Variants in GALNT10 observed in about 807,000 individuals in gnomAD.
GALNT10 encodes the protein GalNAc transferase 10.
A neutral mutation model predicts 75.0 loss-of-function variants in GALNT10; 41 were observed. That is an observed-to-expected ratio of 0.55 (90% CI 0.43 to 0.71). GALNT10 has a LOEUF of 0.71. GALNT10 is among the 30% of genes least tolerant of loss of function. GALNT10 has a pLI of 0.00. For missense variants in GALNT10, 727 were observed against 818.5 expected (o/e 0.89, Z 1.36); for synonymous variants, 302 against 313.0 (o/e 0.96, Z 0.37).
chr5:154,216,567 G>A lies in GALNT10; in HGVS notation c.159+25542G>A, dbSNP rs138249658. Among the ~76,000 whole-genome samples, 524 of 152,226 alleles carry A rather than the reference G, an allele frequency of 3.4e-3. 1 individual carries two copies. Among genetic ancestry groups the A allele is most frequent in the African/African-American group, 0.012 (487 of 41,536 alleles). ...TCATCAGAACAACCTCATTGTCCTC[G>A]TTGGTTAATTTTCAGTAAATAAATG... is the stretch of plus-strand genomic sequence containing the variant. On this transcript the variant is annotated intron_variant, in intron 1 of 11. Coordinates refer to ENST00000297107, the MANE Select transcript of GALNT10 (RefSeq NM_198321.4).
At chr5:154,339,157 C>A (rs946504453) in intron 4 of GALNT10, among the ~76,000 whole-genome samples, 1 of 152,158 alleles carries the variant, frequency 6.6e-6, no homozygotes, top group African/African-American at 2.4e-5. Flanking sequence ...AGCTGCTTAC[C>A]TACCCTCATA....
At chr5:154,309,163 G>C (rs2113092819) in intron 3 of GALNT10, among the ~76,000 whole-genome samples, 1 of 152,306 alleles carries the variant, frequency 6.6e-6, no homozygotes, top group Non-Finnish European at 1.5e-5. Context: ...GAAGTGGTGA[G>C]AGGCCTAGCA....
intron 4 of GALNT10, among the ~76,000 whole-genome samples, chr5:154,373,564 T>C (rs909488537): frequency 1.3e-5 from 2 of 152,176 alleles, no homozygotes; most frequent in African/African-American, 4.8e-5. Flanking sequence ...AGAGATAATA[T>C]AGATGAAATA....
intron 2 of GALNT10, 58 bp downstream of exon 2, chr5:154,294,976 TTGTGTGTGTGTGTGTG>T (rs70978534): frequency 1.5e-5 from 9 of 610,376 alleles, no homozygotes; most frequent in African/African-American, 1.1e-4. Context: ...GCACATATGC[TTGTGTGTGTGTGTGTG>T]TGTGTGTGTG....
At position 154,289,838 on chromosome 5, in the gene GALNT10, C is replaced by A. The variant is rs1159452769; in HGVS notation, c.160-4978C>A. Among the ~76,000 whole-genome samples the A allele has an allele frequency of 2.6e-5, 4 of 152,298 alleles. No homozygotes were observed. In the South Asian group the frequency reaches 8.3e-4, roughly 32 times the overall value. ...TGAAAGAGACTGATCTTTCTGTAAA[C>A]CTCATTAGGCCTACACAGTATCTGT... On this transcript the variant is annotated intron_variant, in intron 1 of 11. Coordinates refer to ENST00000297107, the MANE Select transcript of GALNT10 (RefSeq NM_198321.4).
chr5:154,219,838 T>TCTCTCACACACA, intron 1 of GALNT10, among the ~76,000 whole-genome samples: 2 of 125,666 alleles, frequency 1.6e-5, no homozygotes, highest in African/African-American at 5.7e-5. Context: ...TCTCTCTCTC[T>TCTCTCACACACA]CACACACACA....
rs35810347 is a variant in GALNT10 at position 154,415,880 on chromosome 5, C to T, written c.1601C>T (p.Thr534Met). Reference sequence around the variant, plus strand: ...GCCATTTCCCACACCAGCCCTGTCACGCTGTACGACTGCCACAGCATGAAG... The same window carrying T: ...GCCATTTCCCACACCAGCCCTGTCATGCTGTACGACTGCCACAGCATGAAG... ...FDAISHTSPV[T>M]LYDCHSMKGN... is the part of the protein sequence containing the mutation. The change falls in exon 11 of 12, where the codon ACG (threonine) becomes ATG (methionine). Residue 534 changes from threonine to methionine, a missense_variant. Physicochemically the swap from Thr to Met is moderately conservative, Grantham distance 81. Transcript: ENST00000297107. 231 of 1,614,064 alleles carry T rather than the reference C, an allele frequency of 1.4e-4. No homozygotes were observed. The highest frequency in any genetic ancestry group is 1.8e-4 in the Non-Finnish European group (214 of 1,179,984).
At chr5:154,385,321 G>GCA (rs2113184153) in intron 6 of GALNT10, among the ~76,000 whole-genome samples, 1 of 152,282 alleles carries the variant, frequency 6.6e-6, no homozygotes, top group East Asian at 1.9e-4. Context: ...TCCTCACTTA[G>GCA]CACGGTGCCA....
chr5:154,318,948 C>T (rs1343515282), intron 3 of GALNT10, among the ~76,000 whole-genome samples: 1 of 152,242 alleles, frequency 6.6e-6, no homozygotes, highest in Non-Finnish European at 1.5e-5. Flanking sequence ...AAAATGTTTC[C>T]ACCAACTCTC....
chr5:154,272,637 C>T (rs1231848018), intron 1 of GALNT10, among the ~76,000 whole-genome samples: 1 of 152,176 alleles, frequency 6.6e-6, no homozygotes, highest in Non-Finnish European at 1.5e-5. Flanking sequence ...TAGCCAGCTC[C>T]ATGTTCCTAT....
At chr5:154,235,690 C>T (rs1458907244) in intron 1 of GALNT10, among the ~76,000 whole-genome samples, 1 of 152,180 alleles carries the variant, frequency 6.6e-6, no homozygotes, top group Non-Finnish European at 1.5e-5. Context: ...TCAATTTCTA[C>T]CTCTGCAAAG....
intron 4 of GALNT10, among the ~76,000 whole-genome samples, chr5:154,369,894 T>A (rs1374825575): frequency 6.6e-6 from 1 of 152,180 alleles, no homozygotes; most frequent in Non-Finnish European, 1.5e-5. Context: ...GGCTGCTCCA[T>A]GGGGTGCTCT....
chr5:154,255,022 A>G (rs969382473), intron 1 of GALNT10, among the ~76,000 whole-genome samples: 2 of 152,072 alleles, frequency 1.3e-5, no homozygotes, highest in African/African-American at 4.8e-5. Flanking sequence ...AGGTCTCACT[A>G]TGTAGCCCAG....
intron 1 of GALNT10, among the ~76,000 whole-genome samples, chr5:154,264,979 T>C (rs1364996284): frequency 6.6e-6 from 1 of 152,196 alleles, no homozygotes; most frequent in East Asian, 1.9e-4. Context: ...CAGAGCTCCC[T>C]TCCTGACCTC....
Position 154,234,562 on chromosome 5 carries a change from A to C in GALNT10, c.159+43537A>C, listed in dbSNP as rs150559818. Among the ~76,000 whole-genome samples, 1,491 of 152,370 alleles carry C rather than the reference A, an allele frequency of 9.8e-3. 12 individuals carry two copies. The highest frequency in any genetic ancestry group is 0.014 in the Non-Finnish European group (941 of 68,026). On this transcript the variant is annotated intron_variant, in intron 1 of 11. Transcript: ENST00000297107. ...ATCCTCAGAAACAAGTTTATGAAAT[A>C]GATATGATTACCTTCATTTAACACG...
chr5:154,345,802 AT>A (rs35697160), intron 4 of GALNT10, among the ~76,000 whole-genome samples: 75,136 of 139,430 alleles, frequency 0.54, 20,860 homozygotes, highest in Admixed American at 0.67. Flanking sequence ...CACCCGGCGA[AT>A]TTTTTTTTTT....
At chr5:154,365,655 A>G (rs1417248555) in intron 4 of GALNT10, among the ~76,000 whole-genome samples, 2 of 152,160 alleles carry the variant, frequency 1.3e-5, no homozygotes, top group Non-Finnish European at 2.9e-5. Context: ...CACATACTCT[A>G]TAGCAGCCCA....
chr5:154,403,944 T>A, intron 7 of GALNT10, 160 bp from the exon 8 acceptor site: 1 of 698,696 alleles, frequency 1.4e-6, no homozygotes, highest in East Asian at 2.7e-5. Flanking sequence ...ACCGCTGTTA[T>A]TATATTACTG....
At chr5:154,382,945 G>T (rs1214535373) in intron 6 of GALNT10, among the ~76,000 whole-genome samples, 1 of 152,222 alleles carries the variant, frequency 6.6e-6, no homozygotes, top group African/African-American at 2.4e-5. Flanking sequence ...GAGAGCACTG[G>T]CTCTTGACCC....
Sources: gnomAD v4.1 joint callset for allele counts (sites outside exome capture counted in the v4.1 genomes callset) on GRCh38, gnomAD v4.1.1 for gene constraint, MANE v1.5 for transcripts, NCBI Gene and HGNC (gene_info 2026-07-23, HGNC 2026-07-21) for gene names.